The following CLMP variants were observed in gnomAD, a reference collection of about 807,000 sequenced individuals.
The protein encoded by CLMP is CXADR-like membrane protein.
In CLMP, 27 loss-of-function variants were observed where a neutral mutation model predicts 45.2. The ratio of observed to expected loss-of-function variants is 0.60; its 90% CI spans 0.44 to 0.82. The LOEUF (loss-of-function observed/expected upper bound fraction) is 0.82. Among genes scored for constraint, CLMP ranks in the 40% least tolerant of loss-of-function variants. CLMP has a pLI of 0.00. For synonymous variants in CLMP, 167 were observed against 171.4 expected, an observed-to-expected ratio of 0.97 and a Z score of 0.20; for missense variants, 403 against 448.4, an observed-to-expected ratio of 0.90 and a Z score of 0.91.
At chr11:123,090,227 C>T (rs1360470632) in intron 2 of CLMP, among the ~76,000 whole-genome samples, 5 of 149,270 alleles carry the variant, frequency 3.3e-5, no homozygotes, top group African/African-American at 9.9e-5. Context: ...GGGTGGATCA[C>T]GAGGTCAGGA....
intron 1 of CLMP, among the ~76,000 whole-genome samples, chr11:123,139,417 T>C (rs776351720): frequency 1.3e-5 from 2 of 152,188 alleles, no homozygotes; most frequent in Non-Finnish European, 2.9e-5. Flanking sequence ...TTTAGAAACC[T>C]CTGTGGCCTT....
intron 1 of CLMP, among the ~76,000 whole-genome samples, chr11:123,183,051 A>G (rs1282826971): frequency 6.6e-6 from 1 of 152,196 alleles, no homozygotes; most frequent in Non-Finnish European, 1.5e-5. Flanking sequence ...CTTCATTTCC[A>G]TAACTTCTGT....
chr11:123,180,314 A>G (rs533583699), intron 1 of CLMP, among the ~76,000 whole-genome samples: 2 of 152,316 alleles, frequency 1.3e-5, no homozygotes, highest in South Asian at 2.1e-4. Context: ...TTGAAATCCT[A>G]ACCCTCAAGG....
chr11:123,155,500 C>T (rs894167543), intron 1 of CLMP, among the ~76,000 whole-genome samples: 17 of 152,256 alleles, frequency 1.1e-4, no homozygotes, highest in Middle Eastern at 3.4e-3. Flanking sequence ...TTACGCCCAT[C>T]GTGTGAGGAA....
intron 1 of CLMP, among the ~76,000 whole-genome samples, chr11:123,157,656 G>A (rs1314695112): frequency 6.6e-6 from 1 of 150,742 alleles, no homozygotes; most frequent in African/African-American, 2.4e-5. Context: ...AGTGGGGCAG[G>A]AGGCAGAGGT....
chr11:123,099,080 C>A (rs1163868900), intron 1 of CLMP, among the ~76,000 whole-genome samples: 3 of 152,254 alleles, frequency 2.0e-5, no homozygotes, highest in East Asian at 1.9e-4. Context: ...GATTCTCCAA[C>A]CTTGGCCTCA....
At chr11:123,136,717 G>T (rs1861078683) in intron 1 of CLMP, among the ~76,000 whole-genome samples, 1 of 151,274 alleles carries the variant, frequency 6.6e-6, no homozygotes, top group African/African-American at 2.4e-5. Context: ...ACAGGCACAT[G>T]CCACCCTGCC....
At position 123,072,393 on chromosome 11, in the gene CLMP, C is replaced by T. The variant is rs1452392943; in HGVS notation, c.*1081G>A. On this transcript the variant is annotated 3_prime_UTR_variant, in exon 7 of 7. Coordinates refer to ENST00000448775, the MANE Select transcript of CLMP (RefSeq NM_024769.5). The stretch of plus-strand genomic sequence containing the variant: ...GCATAATCTTGGCTCACTGCAACCT[C>T]CACCTGCTGGATTTTCCTACAGGTG... 1.3e-5 allele frequency: 2 copies of T among 151,858 alleles called. No homozygotes were observed. The highest frequency in any genetic ancestry group is 3.9e-4 in the East Asian group (2 of 5,162). The allele number at this position is 151,858 out of a possible 1,614,324, so 9.4% of individuals were successfully genotyped here. A position where few individuals can be genotyped will look rare whatever the true frequency, so the allele number is the denominator to read the frequency against.
At chr11:123,150,278 G>GAACAAT (rs1861295470) in intron 1 of CLMP, among the ~76,000 whole-genome samples, 1 of 150,900 alleles carries the variant, frequency 6.6e-6, no homozygotes, top group Non-Finnish European at 1.5e-5. Flanking sequence ...ATAGGCTTGA[G>GAACAAT]AACAATAGAC....
intron 1 of CLMP, among the ~76,000 whole-genome samples, chr11:123,164,835 C>G (rs1266389826): frequency 6.6e-6 from 1 of 152,028 alleles, no homozygotes; most frequent in African/African-American, 2.4e-5. Flanking sequence ...TTGTAGTTTG[C>G]ACTAACATGT....
rs181352794 is a variant in CLMP at position 123,152,290 on chromosome 11, G to A, written c.28+42623C>T. On this transcript the variant is annotated intron_variant, in intron 1 of 6. Transcript: ENST00000448775. ...TGTAATCCCAGCACTTTGGGAGGCT[G>A]AGATGGGTGGATCACGAGGTCAAGA... is the stretch of plus-strand genomic sequence containing the variant. 6.5e-3 allele frequency among the ~76,000 whole-genome samples: 987 copies of A among 152,232 alleles called. 4 individuals are homozygous for A. The highest frequency in any genetic ancestry group is 0.023 in the African/African-American group (948 of 41,528).
chr11:123,098,665 AGCTAAGACTATAG>A (rs1484408290), intron 1 of CLMP, among the ~76,000 whole-genome samples: 1 of 150,974 alleles, frequency 6.6e-6, no homozygotes, highest in African/African-American at 2.4e-5. Context: ...GCTCCAGAGA[AGCTAAGACTATAG>A]GCACATGCCA....
chr11:123,140,428 T>C (rs1469953269), intron 1 of CLMP, among the ~76,000 whole-genome samples: 1 of 152,176 alleles, frequency 6.6e-6, no homozygotes, highest in African/African-American at 2.4e-5. Context: ...TTCTTATATT[T>C]GTTGCTAATG....
At chr11:123,126,845 C>T (rs1324311709) in intron 1 of CLMP, among the ~76,000 whole-genome samples, 2 of 151,418 alleles carry the variant, frequency 1.3e-5, no homozygotes, top group African/African-American at 4.9e-5. Context: ...TGCAGTGAAC[C>T]AGGATGGCGC....
intron 2 of CLMP, among the ~76,000 whole-genome samples, chr11:123,093,812 T>G (rs1050324920): frequency 6.6e-6 from 1 of 152,154 alleles, no homozygotes; most frequent in African/African-American, 2.4e-5. Flanking sequence ...TTGGGGCTGT[T>G]TGTCATTCCT....
intron 1 of CLMP, among the ~76,000 whole-genome samples, chr11:123,144,480 T>G (rs533589109): frequency 9.8e-5 from 15 of 152,334 alleles, no homozygotes; most frequent in African/African-American, 2.6e-4. Context: ...CAAGCGATTC[T>G]CCTGTCTCAG....
Position 123,141,173 on chromosome 11 carries a change from C to CTTTTTTT in CLMP, c.29-43228_29-43222dup, listed in dbSNP as rs550888215. Among the ~76,000 whole-genome samples, 600 of 80,848 alleles carry CTTTTTTT rather than the reference C, an allele frequency of 7.4e-3. 54 individuals carry two copies. Among genetic ancestry groups the CTTTTTTT allele is most frequent in the Non-Finnish European group, 8.8e-3 (398 of 45,070 alleles). 53.0% of individuals were successfully genotyped at this position (80,848 alleles called of 152,430 possible). ...GTACATTATCCAATCTCAGGCATTC[C>CTTTTTTT]TTTTTTTTTTTTTTTTTTTTTTTTT... On this transcript the variant is annotated intron_variant, in intron 1 of 6. Transcript: ENST00000448775.
chr11:123,168,382 T>C (rs901113345), intron 1 of CLMP, among the ~76,000 whole-genome samples: 5 of 152,172 alleles, frequency 3.3e-5, no homozygotes, highest in African/African-American at 1.2e-4. Context: ...TACATCTGGA[T>C]TCCACTGTCT....
intron 2 of CLMP, among the ~76,000 whole-genome samples, chr11:123,088,329 C>G (rs2135473006): frequency 6.6e-6 from 1 of 152,310 alleles, no homozygotes; most frequent in South Asian, 2.1e-4. Context: ...TAGAGTTTGT[C>G]TCCATTCAAA....
Sources: gnomAD v4.1 joint callset for allele counts (sites outside exome capture counted in the v4.1 genomes callset) on GRCh38, gnomAD v4.1.1 for gene constraint, MANE v1.5 for transcripts, NCBI Gene and HGNC (gene_info 2026-07-23, HGNC 2026-07-21) for gene names.